NEO1: variants seen among roughly 807,000 people sequenced by gnomAD.
NEO1 encodes the protein neogenin.
NEO1 carries 63 observed loss-of-function variants against 159.7 expected under a neutral mutation model. That is an observed-to-expected ratio of 0.39 (90% CI 0.32 to 0.49). The LOEUF is 0.49. Ranked by LOEUF, NEO1 falls within the 20% of genes least tolerant of loss-of-function variation. The pLI is 0.85. For missense variants in NEO1, 1,615 were observed against 1,831.0 expected (o/e 0.88, Z 2.15); for synonymous variants, 633 against 662.0 (o/e 0.96, Z 0.67).
chr15:73,207,174 TATTA>T (rs2037287773), intron 7 of NEO1, among the ~76,000 whole-genome samples: 2 of 152,258 alleles, frequency 1.3e-5, no homozygotes, highest in South Asian at 2.1e-4. Context: ...GGTAAGTTAA[TATTA>T]ATTGAGCATT....
At chr15:73,063,832 A>G (rs1273588461) in intron 1 of NEO1, among the ~76,000 whole-genome samples, 1 of 152,218 alleles carries the variant, frequency 6.6e-6, no homozygotes, top group Non-Finnish European at 1.5e-5. Context: ...CTGTCATGGT[A>G]GGAAGGAGGG....
At chr15:73,063,596 G>A (rs541082155) in intron 1 of NEO1, among the ~76,000 whole-genome samples, 24 of 151,568 alleles carry the variant, frequency 1.6e-4, no homozygotes, top group Admixed American at 7.3e-4. Context: ...TTTTGAAGCC[G>A]TAAGTAGGGT....
Position 73,222,419 on chromosome 15 carries a change from C to G in NEO1, c.1292-13928C>G, listed in dbSNP as rs191762581. The stretch of plus-strand genomic sequence containing the variant: ...GTGCCTGGCGGTAATTTTTAAATTA[C>G]CATTTCAATCTCGCTGCTTGTTATT... On this transcript the variant is annotated intron_variant, in intron 7 of 28. Coordinates refer to ENST00000261908, the MANE Select transcript of NEO1 (RefSeq NM_002499.4). 3.6e-3 allele frequency among the ~76,000 whole-genome samples: 549 copies of G among 151,992 alleles called. 4 individuals carry two copies. Among genetic ancestry groups the G allele is most frequent in the African/African-American group, 0.013 (521 of 41,446 alleles).
At chr15:73,224,270 A>G (rs890598308) in intron 7 of NEO1, among the ~76,000 whole-genome samples, 12 of 152,170 alleles carry the variant, frequency 7.9e-5, no homozygotes, top group African/African-American at 2.9e-4. Context: ...AGTTAAGCAC[A>G]CTGATGACAG....
intron 5 of NEO1, among the ~76,000 whole-genome samples, chr15:73,150,733 A>G (rs1176391519): frequency 6.6e-6 from 1 of 152,202 alleles, no homozygotes; most frequent in Non-Finnish European, 1.5e-5. Flanking sequence ...ACCAAAACCC[A>G]TATTAAAATA....
intron 1 of NEO1, among the ~76,000 whole-genome samples, chr15:73,079,157 T>G (rs939840715): frequency 5.3e-5 from 8 of 152,196 alleles, no homozygotes; most frequent in Admixed American, 1.3e-4. Flanking sequence ...TGTTACTGGT[T>G]GTTTACTGCC....
intron 5 of NEO1, among the ~76,000 whole-genome samples, 157 bp from the exon 6 acceptor site, chr15:73,176,246 T>G (rs1057423966): frequency 2.0e-5 from 3 of 152,166 alleles, no homozygotes; most frequent in Admixed American, 6.5e-5. Flanking sequence ...CATGTATTTT[T>G]TATTATATAT....
intron 7 of NEO1, among the ~76,000 whole-genome samples, chr15:73,179,020 C>G (rs1232087805): frequency 6.6e-6 from 1 of 151,988 alleles, no homozygotes; most frequent in Non-Finnish European, 1.5e-5. Flanking sequence ...TTCCAGAATA[C>G]AATTAATTTA....
chr15:73,237,963 A>T (rs1472767285), intron 8 of NEO1, among the ~76,000 whole-genome samples: 2 of 152,136 alleles, frequency 1.3e-5, no homozygotes, highest in Non-Finnish European at 2.9e-5. Context: ...CTTATCTATC[A>T]TCTTTAGATG....
At position 73,083,320 on chromosome 15, in the gene NEO1, G is replaced by A. The variant is rs147329141; in HGVS notation, c.130+30515G>A. The stretch of plus-strand genomic sequence containing the variant: ...CCATATTTCAAATATATTTGAGGTA[G>A]AATAGACAAGACTTGGTGATTGAAT... On this transcript the variant is annotated intron_variant, in intron 1 of 28. Coordinates refer to ENST00000261908, the MANE Select transcript of NEO1 (RefSeq NM_002499.4). Among the ~76,000 whole-genome samples the A allele has an allele frequency of 6.6e-5, 10 of 152,248 alleles. No homozygotes were observed. The East Asian group carries it at 1.9e-3, about 29-fold the overall frequency.
intron 5 of NEO1, among the ~76,000 whole-genome samples, chr15:73,138,755 C>CAAAAA (rs11368240): frequency 9.2e-6 from 1 of 109,228 alleles, no homozygotes; most frequent in East Asian, 3.1e-4. Context: ...GACTCCGTCT[C>CAAAAA]AAAAAAAAAA....
chr15:73,224,005 G>C (rs1230684038), intron 7 of NEO1, among the ~76,000 whole-genome samples: 1 of 152,140 alleles, frequency 6.6e-6, no homozygotes, highest in South Asian at 2.1e-4. Flanking sequence ...GTAGTGGTGA[G>C]TTCTTTCAGC....
intron 7 of NEO1, among the ~76,000 whole-genome samples, chr15:73,216,470 A>T (rs982157031): frequency 9.8e-5 from 15 of 152,304 alleles, no homozygotes; most frequent in Admixed American, 2.0e-4. Flanking sequence ...GCTGGGTCAA[A>T]TGGTATTTCT....
chr15:73,117,175 C>T (rs2071374231), intron 2 of NEO1, among the ~76,000 whole-genome samples: 2 of 152,190 alleles, frequency 1.3e-5, no homozygotes, highest in Non-Finnish European at 2.9e-5. Context: ...ACTTTGACGG[C>T]CAACTTCTAT....
intron 1 of NEO1, among the ~76,000 whole-genome samples, chr15:73,106,210 T>C (rs959040604): frequency 6.6e-6 from 1 of 152,142 alleles, no homozygotes; most frequent in African/African-American, 2.4e-5. Context: ...TTCGTATTAA[T>C]CTTTTACCTT....
chr15:73,073,372 A>G (rs998870143), intron 1 of NEO1, among the ~76,000 whole-genome samples: 4 of 152,172 alleles, frequency 2.6e-5, no homozygotes, highest in African/African-American at 9.7e-5. Context: ...ATGAAGACTG[A>G]AAAGTTCCAG....
At position 73,114,435 on chromosome 15, in the gene NEO1, A is replaced by C. The variant is rs190302075; in HGVS notation, c.131-2105A>C. On this transcript the variant is annotated intron_variant, in intron 1 of 28. Transcript: ENST00000261908. The stretch of plus-strand genomic sequence containing the variant: ...TCCTACTGAGAGAACAAAATACAAA[A>C]CGATATACAGAAATATTTAAGTAAC... Among the ~76,000 whole-genome samples the C allele has an allele frequency of 2.6e-5, 4 of 152,320 alleles. No individual in the cohort carries two copies. The East Asian group carries it at 7.7e-4, about 29-fold the overall frequency.
Position 73,298,388 on chromosome 15 carries a change from C to G in NEO1, c.3942C>G (p.Ala1314=), listed in dbSNP as rs771348268. The G allele has an allele frequency of 2.5e-6, 4 of 1,614,234 alleles. No homozygotes were observed. Among genetic ancestry groups the G allele is most frequent in the Middle Eastern group, 1.6e-4 (1 of 6,062 alleles). ...RNTPSTDTMP[A]SSSQTCCTDH... ...CCCCCAGCACTGACACCATGCCAGC[C>G]TCTTCGTCTCAAACATGCTGCACTG... The change falls in exon 27 of 29, where the codon GCC becomes GCG. Residue 1314 remains alanine (A), a synonymous_variant. Coordinates refer to ENST00000261908, the MANE Select transcript of NEO1 (RefSeq NM_002499.4).
chr15:73,125,361 C>G (rs1035987970), intron 3 of NEO1, among the ~76,000 whole-genome samples: 3 of 152,216 alleles, frequency 2.0e-5, no homozygotes, highest in African/African-American at 7.2e-5. Context: ...AAGTCAGTGA[C>G]TCCACCATTA....
Sources: allele counts gnomAD v4.1 joint callset (sites outside exome capture counted in the v4.1 genomes callset), GRCh38; gene constraint gnomAD v4.1.1; transcripts MANE v1.5; gene names NCBI Gene and HGNC (gene_info 2026-07-23, HGNC 2026-07-21).